Variants in EPS8 observed in about 807,000 individuals in gnomAD.
EPS8 encodes the protein EGFR pathway substrate 8, signaling adaptor.
EPS8 carries 42 observed loss-of-function variants against 103.8 expected under a neutral mutation model. The observed-to-expected ratio is 0.40, with a 90% CI of 0.32 to 0.52. EPS8 has a LOEUF of 0.52. Among genes scored for constraint, EPS8 ranks in the 20% least tolerant of loss-of-function variants. EPS8 has a pLI of 0.40. For missense variants in EPS8, 969 were observed against 1,005.1 expected (o/e 0.96, Z 0.49); for synonymous variants, 344 against 344.6 (o/e 1.00, Z 0.02).
Position 15,678,741 on chromosome 12 carries a change from C to A in EPS8, c.136+2485G>T, listed in dbSNP as rs909763564. Among the ~76,000 whole-genome samples the A allele has an allele frequency of 5.3e-5, 8 of 151,948 alleles. 1 individual carries two copies. The Middle Eastern group carries it at 0.014, about 258-fold the overall frequency. ...GCTGGGATCACAGGTGTAAGCAACCCTGTCTCTACTAAAAATGAAAAAATT... is the reference window on the plus strand; with the variant it reads ...GCTGGGATCACAGGTGTAAGCAACCATGTCTCTACTAAAAATGAAAAAATT... On this transcript the variant is annotated intron_variant, in intron 3 of 20. Transcript: ENST00000281172.
intron 1 of EPS8, among the ~76,000 whole-genome samples, chr12:15,773,924 G>C (rs531777992): frequency 6.6e-6 from 1 of 152,120 alleles, no homozygotes; most frequent in African/African-American, 2.4e-5. Flanking sequence ...GAAATTTTTT[G>C]TGACTTTAAT....
chr12:15,689,050 G>A (rs944601134), intron 1 of EPS8, among the ~76,000 whole-genome samples: 1 of 152,126 alleles, frequency 6.6e-6, no homozygotes, highest in African/African-American at 2.4e-5. Flanking sequence ...CTGCGAGGGG[G>A]ACAAAGGAAC....
At position 15,747,101 on chromosome 12, in the gene EPS8, C is replaced by T. The variant is rs976512214; in HGVS notation, c.-22+42060G>A. On this transcript the variant is annotated intron_variant, in intron 1 of 20. Coordinates refer to ENST00000281172, the MANE Select transcript of EPS8 (RefSeq NM_004447.6). This position sits in a 1 kb window ranked among gnomAD's most constrained non-coding sequence, Gnocchi z 4.4. ...AATAAACAAACTTTTCAAACCAGAA[C>T]TACAAAGTAAAATTATCTCAATGCA... 6.6e-6 allele frequency among the ~76,000 whole-genome samples: 1 copy of T among 152,198 alleles called. No individual in the cohort carries two copies. Among genetic ancestry groups the T allele is most frequent in the Non-Finnish European group, 1.5e-5 (1 of 68,036 alleles).
At chr12:15,658,413 CTTAAT>C in intron 11 of EPS8, 79 bp downstream of exon 11, 8 of 1,029,642 alleles carry the variant, frequency 7.8e-6, no homozygotes, top group Non-Finnish European at 1.2e-5. Flanking sequence ...AATTTTATTT[CTTAAT>C]TTAATCAGAA....
At chr12:15,742,692 C>T (rs1037634106) in intron 1 of EPS8, among the ~76,000 whole-genome samples, 1 of 152,116 alleles carries the variant, frequency 6.6e-6, no homozygotes, top group African/African-American at 2.4e-5. Flanking sequence ...GCAGAAAAGG[C>T]CTTTGACAAA....
chr12:15,629,678 G>T (rs1046036593), intron 18 of EPS8, among the ~76,000 whole-genome samples: 3 of 152,082 alleles, frequency 2.0e-5, no homozygotes, highest in Non-Finnish European at 2.9e-5. Flanking sequence ...TTTTCCTTTA[G>T]TTTCCTGGCA....
intron 6 of EPS8, among the ~76,000 whole-genome samples, chr12:15,667,197 C>CA (rs1226338806): frequency 6.6e-6 from 1 of 152,138 alleles, no homozygotes; most frequent in African/African-American, 2.4e-5. Flanking sequence ...TGATGAGATG[C>CA]ACCATCTATG....
At chr12:15,639,486 A>C (rs1482935461) in intron 17 of EPS8, among the ~76,000 whole-genome samples, 1 of 152,240 alleles carries the variant, frequency 6.6e-6, no homozygotes, top group Non-Finnish European at 1.5e-5. Context: ...TGAACATAAA[A>C]TAAGTACATA....
Position 15,789,379 on chromosome 12 carries a change from T to G in EPS8, c.-240A>C, listed in dbSNP as rs1223608872. Reference sequence around the variant, plus strand: ...CGAGACCGCCTCGCTAGCTGCTGCCTGTGAAGTCTGGAGCCGCCCGCCCGC... The same window carrying G: ...CGAGACCGCCTCGCTAGCTGCTGCCGGTGAAGTCTGGAGCCGCCCGCCCGC... On this transcript the variant is annotated 5_prime_UTR_variant, in exon 1 of 21. Coordinates refer to ENST00000281172, the MANE Select transcript of EPS8 (RefSeq NM_004447.6). The surrounding 1 kb of genome is among the most constrained non-coding windows in gnomAD (Gnocchi z 6.1). 1 of 152,464 alleles carries G rather than the reference T, an allele frequency of 6.6e-6. No homozygotes were observed. Among genetic ancestry groups the G allele is most frequent in the African/African-American group, 2.4e-5 (1 of 41,448 alleles). The allele number at this position is 152,464 out of a possible 1,614,324, so 9.4% of individuals were successfully genotyped here.
Position 15,749,019 on chromosome 12 carries a change from G to C in EPS8, c.-22+40142C>G, listed in dbSNP as rs1038662253. Among the ~76,000 whole-genome samples, 1 of 152,120 alleles carries C rather than the reference G, an allele frequency of 6.6e-6. No individual in the cohort carries two copies. Among genetic ancestry groups the C allele is most frequent in the Non-Finnish European group, 1.5e-5 (1 of 68,028 alleles). ...AAATACTGAGACAACTGATGCTAGA[G>C]AGAACTTAAGGCCCTTTTAACTATT... is the stretch of plus-strand genomic sequence containing the variant. On this transcript the variant is annotated intron_variant, in intron 1 of 20. Coordinates refer to ENST00000281172, the MANE Select transcript of EPS8 (RefSeq NM_004447.6). The surrounding 1 kb of genome is among the most constrained non-coding windows in gnomAD (Gnocchi z 4.0).
In EPS8 at chr12:15,778,502, T is replaced by C. The variant is rs1032091099; in HGVS notation, c.-22+10659A>G. ...TGCAAAAAACAAAACAAAAACACTG[T>C]AGTTTATGGTACACAGTACTTTTTT... is the stretch of plus-strand genomic sequence containing the variant. On this transcript the variant is annotated intron_variant, in intron 1 of 20. Coordinates refer to ENST00000281172, the MANE Select transcript of EPS8 (RefSeq NM_004447.6). The surrounding 1 kb of genome is among the most constrained non-coding windows in gnomAD (Gnocchi z 4.5). Among the ~76,000 whole-genome samples, 2 of 152,156 alleles carry C rather than the reference T, an allele frequency of 1.3e-5. No individual in the cohort carries two copies. The highest frequency in any genetic ancestry group is 4.1e-4 in the South Asian group (2 of 4,832).
Position 15,738,182 on chromosome 12 carries a change from T to C in EPS8, c.-22+50979A>G, listed in dbSNP as rs987744989. ...AATATCTAACTATTATTCTAATTAA[T>C]ATCACTTTTATTCTAACTAATATTA... On this transcript the variant is annotated intron_variant, in intron 1 of 20. Transcript: ENST00000281172. This position sits in a 1 kb window ranked among gnomAD's most constrained non-coding sequence, Gnocchi z 6.2. Among the ~76,000 whole-genome samples, 6 of 152,198 alleles carry C rather than the reference T, an allele frequency of 3.9e-5. No individual in the cohort carries two copies. The highest frequency in any genetic ancestry group is 1.4e-4 in the African/African-American group (6 of 41,470).
intron 17 of EPS8, among the ~76,000 whole-genome samples, chr12:15,633,555 AAAC>A (rs1490299786): frequency 6.6e-6 from 1 of 152,224 alleles, no homozygotes; most frequent in Non-Finnish European, 1.5e-5. Context: ...TCAAGCCTGA[AAAC>A]AAACTCACCA....
Position 15,698,512 on chromosome 12 carries a change from C to G in EPS8, c.-21-15540G>C, listed in dbSNP as rs538946449. On this transcript the variant is annotated intron_variant, in intron 1 of 20. Coordinates refer to ENST00000281172, the MANE Select transcript of EPS8 (RefSeq NM_004447.6). The surrounding 1 kb of genome is among the most constrained non-coding windows in gnomAD (Gnocchi z 4.9). ...ACCTCTCTTATTGCCAGCCAACTTC[C>G]TTATTTTCCTCAAATGGAGTGGAAA... Among the ~76,000 whole-genome samples, 24 of 151,502 alleles carry G rather than the reference C, an allele frequency of 1.6e-4. No homozygotes were observed. Among genetic ancestry groups the G allele is most frequent in the South Asian group, 6.3e-4 (3 of 4,778 alleles).
intron 4 of EPS8, 142 bp downstream of exon 4, chr12:15,670,714 G>A: frequency 1.8e-6 from 1 of 562,292 alleles, no homozygotes; most frequent in East Asian, 3.0e-5. Flanking sequence ...TGTAATATCT[G>A]TTTTAAAAAA....
chr12:15,664,281 T>A (rs1199981379), intron 8 of EPS8, among the ~76,000 whole-genome samples: 1 of 150,870 alleles, frequency 6.6e-6, no homozygotes, highest in Non-Finnish European at 1.5e-5. Flanking sequence ...CTCTGTTAAT[T>A]AATTTTTTTT....
chr12:15,669,899 A>G (rs535720862), intron 4 of EPS8, 74 bp from the exon 5 acceptor site: 3 of 1,130,296 alleles, frequency 2.7e-6, no homozygotes, highest in South Asian at 4.4e-5. Flanking sequence ...ACATTTTCCA[A>G]AAGAAAATCA....
In EPS8 at chr12:15,696,718, G is replaced by A. The variant is rs1946248266; in HGVS notation, c.-21-13746C>T. Among the ~76,000 whole-genome samples, 1 of 152,042 alleles carries A rather than the reference G, an allele frequency of 6.6e-6. No homozygotes were observed. Among genetic ancestry groups the A allele is most frequent in the African/African-American group, 2.4e-5 (1 of 41,396 alleles). The stretch of plus-strand genomic sequence containing the variant: ...CCTGAACTACTATTCCACTTGGGAA[G>A]AAATGGGACTTTTTTTACATGTCCA... On this transcript the variant is annotated intron_variant, in intron 1 of 20. Coordinates refer to ENST00000281172, the MANE Select transcript of EPS8 (RefSeq NM_004447.6). The surrounding 1 kb of genome is among the most constrained non-coding windows in gnomAD (Gnocchi z 4.8).
Position 15,717,950 on chromosome 12 carries a change from A to C in EPS8, c.-21-34978T>G, listed in dbSNP as rs892308632. 6.6e-6 allele frequency among the ~76,000 whole-genome samples: 1 copy of C among 152,224 alleles called. No individual in the cohort carries two copies. The highest frequency in any genetic ancestry group is 1.5e-5 in the Non-Finnish European group (1 of 68,026). ...TACAGCTCCAATAAGACATGATCTT[A>C]TTTGGCAATTTCAGTTAAAAAGACA... On this transcript the variant is annotated intron_variant, in intron 1 of 20. Coordinates refer to ENST00000281172, the MANE Select transcript of EPS8 (RefSeq NM_004447.6). The surrounding 1 kb of genome is among the most constrained non-coding windows in gnomAD (Gnocchi z 4.3).
Sources: allele counts gnomAD v4.1 joint callset (sites outside exome capture counted in the v4.1 genomes callset), GRCh38; gene constraint gnomAD v4.1.1; non-coding constraint Gnocchi (gnomAD v3.1); transcripts MANE v1.5; gene names NCBI Gene and HGNC (gene_info 2026-07-23, HGNC 2026-07-21).